The following CDH12 variants were observed in gnomAD, a reference collection of about 807,000 sequenced individuals.
CDH12 encodes the protein cadherin 12, also known as cadherin-12.
In CDH12, 41 loss-of-function variants were observed where a neutral mutation model predicts 74.1. That is an observed-to-expected ratio of 0.55 (90% CI 0.43 to 0.72). The LOEUF (loss-of-function observed/expected upper bound fraction) is 0.72. Among genes scored for constraint, CDH12 ranks in the 30% least tolerant of loss-of-function variants. The probability of loss-of-function intolerance (pLI) is 0.00; values close to 1 mark genes in which losing one functional copy is unlikely to be tolerated. For missense variants in CDH12, 945 were observed against 977.2 expected (o/e 0.97, Z 0.44); for synonymous variants, 399 against 355.0 (o/e 1.12, Z -1.39).
chr5:22,748,538 T>C (rs1269998888), intron 1 of CDH12, among the ~76,000 whole-genome samples: 1 of 152,196 alleles, frequency 6.6e-6, no homozygotes, highest in African/African-American at 2.4e-5. Flanking sequence ...TGTTTTCTTC[T>C]GGGCCCTGTT....
At chr5:21,777,615 C>T (rs557194151) in intron 11 of CDH12, among the ~76,000 whole-genome samples, 14 of 151,644 alleles carry the variant, frequency 9.2e-5, no homozygotes, top group South Asian at 2.1e-4. Context: ...CTCCGCCTCC[C>T]GAGTAGCTGG....
chr5:22,499,176 AG>A (rs2126652863), intron 2 of CDH12, among the ~76,000 whole-genome samples: 1 of 152,042 alleles, frequency 6.6e-6, no homozygotes, highest in African/African-American at 2.4e-5. Context: ...GGCCTCCCAA[AG>A]TGCTAGGATT....
At position 22,802,155 on chromosome 5, in the gene CDH12, T is replaced by A. The variant is rs1465873934; in HGVS notation, c.-523+50903A>T. On this transcript the variant is annotated intron_variant, in intron 1 of 14. Coordinates refer to ENST00000382254, the MANE Select transcript of CDH12 (RefSeq NM_004061.5). Reference sequence around the variant, plus strand: ...TTTTTTTTTTGAGACGGAGTCTCCCTCTGTCGCCCAGGCTGGAGTGCAGTG... The same window carrying A: ...TTTTTTTTTTGAGACGGAGTCTCCCACTGTCGCCCAGGCTGGAGTGCAGTG... Among the ~76,000 whole-genome samples the A allele has an allele frequency of 2.8e-5, 4 of 144,758 alleles. No individual in the cohort carries two copies. In the East Asian group the frequency reaches 8.6e-4, roughly 31 times the overall value. 95.0% of individuals were successfully genotyped at this position (144,758 alleles called of 152,430 possible).
At chr5:22,198,062 A>C (rs1450543633) in intron 4 of CDH12, among the ~76,000 whole-genome samples, 1 of 151,976 alleles carries the variant, frequency 6.6e-6, no homozygotes, top group African/African-American at 2.4e-5. Flanking sequence ...AAGAATAAAA[A>C]GATAATTTAC....
At chr5:22,675,878 T>C (rs1286754153) in intron 1 of CDH12, among the ~76,000 whole-genome samples, 1 of 143,176 alleles carries the variant, frequency 7.0e-6, no homozygotes, top group South Asian at 2.2e-4. Flanking sequence ...CTCATATATA[T>C]ATATATATAC....
chr5:21,854,787 G>T lies in CDH12; in HGVS notation c.530C>A (p.Ala177Glu). The change falls in exon 7 of 15, where the codon GCA (alanine) becomes GAA (glutamate). Residue 177 changes from alanine (A) to glutamate (E), a missense_variant. Physicochemically the swap from Ala to Glu is moderately radical, Grantham distance 107. This residue lies in a region of CDH12 where 791 missense variants were observed against 792.8 expected (regional missense o/e 1.00). Coordinates refer to ENST00000382254, the MANE Select transcript of CDH12 (RefSeq NM_004061.5). Reference sequence around the variant, plus strand: ...TGTGGCCTTGACCTGGAGTACATATGCACCTGGAAAATAAGACAATATCAC... The same window carrying T: ...TGTGGCCTTGACCTGGAGTACATATTCACCTGGAAAATAAGACAATATCAC... The part of the protein sequence containing the change: ...ATVPEMSPVG[A>E]YVLQVKATDA... The T allele has an allele frequency of 6.2e-7, 1 of 1,607,622 alleles. No individual in the cohort carries two copies. The highest frequency in any genetic ancestry group is 8.5e-7 in the Non-Finnish European group (1 of 1,176,660).
chr5:22,452,916 T>C (rs928370073), intron 2 of CDH12, among the ~76,000 whole-genome samples: 5 of 115,180 alleles, frequency 4.3e-5, no homozygotes, highest in Non-Finnish European at 8.8e-5. Flanking sequence ...GAGTTAAAAG[T>C]GGACCAAAGC....
chr5:21,940,645 G>A (rs910440709), intron 6 of CDH12, among the ~76,000 whole-genome samples: 3 of 152,108 alleles, frequency 2.0e-5, no homozygotes, highest in African/African-American at 7.2e-5. Flanking sequence ...AGAAAGTGGT[G>A]TAAATCTGAT....
chr5:22,006,187 A>ATT (rs909399091), intron 5 of CDH12, among the ~76,000 whole-genome samples: 1 of 148,512 alleles, frequency 6.7e-6, no homozygotes, highest in African/African-American at 2.5e-5. Flanking sequence ...TCTTCTTTTA[A>ATT]TTTTTTTTTT....
chr5:22,203,211 C>G (rs1338180570), intron 4 of CDH12, among the ~76,000 whole-genome samples: 1 of 152,168 alleles, frequency 6.6e-6, no homozygotes, highest in Non-Finnish European at 1.5e-5. Context: ...TCCTATCTAA[C>G]TGTAACTTTG....
At chr5:21,857,793 C>T (rs564617588) in intron 6 of CDH12, among the ~76,000 whole-genome samples, 1 of 151,928 alleles carries the variant, frequency 6.6e-6, no homozygotes, top group South Asian at 2.1e-4. Flanking sequence ...TAACAAAATA[C>T]CACAGGCTGG....
intron 8 of CDH12, among the ~76,000 whole-genome samples, chr5:21,837,491 A>T (rs1210605259): frequency 2.0e-5 from 3 of 150,508 alleles, no homozygotes; most frequent in Non-Finnish European, 3.0e-5. Context: ...TTTTAGCATA[A>T]GTGCTTAAGA....
At chr5:22,393,849 T>C (rs1431678361) in intron 3 of CDH12, among the ~76,000 whole-genome samples, 1 of 152,148 alleles carries the variant, frequency 6.6e-6, no homozygotes, top group Non-Finnish European at 1.5e-5. Context: ...TTAATCCTTG[T>C]AGTGGTCAGA....
intron 1 of CDH12, among the ~76,000 whole-genome samples, chr5:22,675,746 T>TGG (rs1285214708): frequency 2.6e-5 from 4 of 151,866 alleles, no homozygotes; most frequent in Admixed American, 2.0e-4. Flanking sequence ...TGTGGAACTC[T>TGG]TAAGTCCATT....
intron 4 of CDH12, among the ~76,000 whole-genome samples, chr5:22,111,138 T>C (rs1390707522): frequency 6.6e-6 from 1 of 152,148 alleles, no homozygotes; most frequent in Admixed American, 6.5e-5. Context: ...ATTACTTTCC[T>C]TTTATTTTCT....
chr5:21,822,181 T>C (rs577024644), intron 8 of CDH12, among the ~76,000 whole-genome samples: 1 of 145,794 alleles, frequency 6.9e-6, no homozygotes, highest in African/African-American at 2.5e-5. Context: ...CAAAAGTGCA[T>C]GAAACTCATT....
At chr5:21,959,008 T>A (rs1756224497) in intron 6 of CDH12, among the ~76,000 whole-genome samples, 1 of 151,984 alleles carries the variant, frequency 6.6e-6, no homozygotes, top group South Asian at 2.1e-4. Context: ...ATTTTTCACC[T>A]CCCTGGTTAG....
chr5:22,305,972 C>T (rs913498741), intron 3 of CDH12, among the ~76,000 whole-genome samples: 2 of 152,088 alleles, frequency 1.3e-5, no homozygotes, highest in South Asian at 4.1e-4. Flanking sequence ...CTTCTCCCTG[C>T]CTCCTAGATA....
intron 5 of CDH12, among the ~76,000 whole-genome samples, chr5:22,043,841 T>C (rs1020858338): frequency 6.6e-6 from 1 of 152,024 alleles, no homozygotes; most frequent in Non-Finnish European, 1.5e-5. Context: ...TCATTTACAG[T>C]AACTACAAAT....
Sources: allele counts gnomAD v4.1 joint callset (sites outside exome capture counted in the v4.1 genomes callset), GRCh38; gene constraint gnomAD v4.1.1; regional missense constraint gnomAD v4.1.1; transcripts MANE v1.5; gene names NCBI Gene and HGNC (gene_info 2026-07-23, HGNC 2026-07-21).